Variants in OTC observed in about 807,000 individuals in gnomAD.
OTC encodes the protein ornithine transcarbamylase, mitochondrial.
OTC carries 3 observed loss-of-function variants against 30.3 expected under a neutral mutation model. That is an observed-to-expected ratio of 0.10 (90% CI 0.05 to 0.26). The LOEUF (loss-of-function observed/expected upper bound fraction) is 0.26. OTC is among the 10% of genes least tolerant of loss of function. The pLI is 1.00. For missense variants in OTC, 194 were observed against 260.3 expected (o/e 0.75, Z 1.75); for synonymous variants, 111 against 99.7 (o/e 1.11, Z -0.67).
chrX:38,347,060 T>G, the OTC span, among the ~76,000 whole-genome samples: 5 of 112,422 alleles, frequency 4.4e-5, no homozygotes, highest in African/African-American at 1.6e-4. Context: ...TTCCCCAAGG[T>G]TATTCAACCA....
intron 4 of OTC, among the ~76,000 whole-genome samples, chrX:38,384,812 A>G (rs1469174784): frequency 8.9e-6 from 1 of 112,067 alleles, no homozygotes; most frequent in Non-Finnish European, 1.9e-5. Context: ...AAAAGAAAAA[A>G]AAAGAAAGAA....
At chrX:38,331,461 T>G in the OTC span, among the ~76,000 whole-genome samples, 1 of 104,118 alleles carries the variant, frequency 9.6e-6, no homozygotes, top group African/African-American at 3.5e-5. Flanking sequence ...TTTTGTTTGT[T>G]TTTTTAGAGA....
At chrX:38,396,401 A>G (rs892159916) in intron 4 of OTC, among the ~76,000 whole-genome samples, 86 of 112,278 alleles carry the variant, frequency 7.7e-4, no homozygotes, top group African/African-American at 2.6e-3. Flanking sequence ...CATCTTTCTT[A>G]TTGGCATTGT....
chrX:38,332,379 C>T, the OTC span, among the ~76,000 whole-genome samples: 1 of 102,964 alleles, frequency 9.7e-6, no homozygotes, highest in Non-Finnish European at 2.0e-5. Flanking sequence ...CCCACCCTTC[C>T]CCTCACCCCC....
chrX:38,391,980 T>C (rs1214374633), intron 4 of OTC, among the ~76,000 whole-genome samples: 1 of 112,221 alleles, frequency 8.9e-6, no homozygotes, highest in African/African-American at 3.2e-5. Flanking sequence ...GATGTTAACA[T>C]TTTATCTCTG....
chrX:38,408,096 G>A (rs1644586415), intron 6 of OTC, among the ~76,000 whole-genome samples: 1 of 112,384 alleles, frequency 8.9e-6, no homozygotes, highest in African/African-American at 3.2e-5. Context: ...TGCCTCTCCA[G>A]AGTCTGACTC....
intron 3 of OTC, among the ~76,000 whole-genome samples, chrX:38,375,104 C>T (rs973608250): frequency 9.0e-6 from 1 of 111,654 alleles, no homozygotes; most frequent in Non-Finnish European, 1.9e-5. Context: ...TCTAGGTGCT[C>T]GGGAGTGATA....
chrX:38,375,937 A>G (rs917590320), intron 3 of OTC, among the ~76,000 whole-genome samples: 1 of 111,831 alleles, frequency 8.9e-6, no homozygotes, highest in African/African-American at 3.3e-5. Flanking sequence ...GGAACCAACA[A>G]TGGTGACTGA....
the OTC span, among the ~76,000 whole-genome samples, chrX:38,329,545 C>A: frequency 2.7e-5 from 3 of 111,791 alleles, no homozygotes; most frequent in Non-Finnish European, 5.6e-5. Context: ...ACCTAAGTAA[C>A]AAAAGAACCA....
chrX:38,369,882 G>C lies in OTC; in HGVS notation c.298+5G>C, dbSNP rs72554348. The C allele has an allele frequency of 4.3e-4, 498 of 1,152,072 alleles. 1 individual carries two copies. The East Asian group carries it at 0.013, about 29-fold the overall frequency. The allele number at this position is 1,152,072 out of a possible 1,213,427, so 94.9% of individuals were successfully genotyped here. A position where few individuals can be genotyped will look rare whatever the true frequency, so the allele number is the denominator to read the frequency against. On this transcript the variant is annotated splice_donor_5th_base_variant and intron_variant, in intron 3 of 9. Coordinates refer to ENST00000039007, the MANE Select transcript of OTC (RefSeq NM_000531.6). ...CAAGATTGTCTACAGAAACAGGTAA[G>C]TCCACTGCCAAATTCACACTTGTGT...
rs765471889 is a variant in OTC at position 38,398,547 on chromosome X, A to G, written c.387-2728A>G. Among the ~76,000 whole-genome samples the G allele has an allele frequency of 1.3e-4, 14 of 111,499 alleles. No individual in the cohort carries two copies. The South Asian group carries it at 4.9e-3, about 39-fold the overall frequency. On this transcript the variant is annotated intron_variant, in intron 4 of 9. Transcript: ENST00000039007. ...CTGTACACACTTTAGGGAGTGCTAC[A>G]TGTTTAAAGAAGTCTGAAGTATGAC... is the stretch of plus-strand genomic sequence containing the variant.
chrX:38,376,873 C>T (rs187372810), intron 3 of OTC, among the ~76,000 whole-genome samples: 1 of 112,068 alleles, frequency 8.9e-6, no homozygotes, highest in African/African-American at 3.2e-5. Flanking sequence ...TAAATAGAAC[C>T]TAATGCAATA....
At chrX:38,360,798 A>G (rs1194427821) in intron 1 of OTC, among the ~76,000 whole-genome samples, 1 of 112,429 alleles carries the variant, frequency 8.9e-6, no homozygotes, top group Non-Finnish European at 1.9e-5. Flanking sequence ...GCAAAACTTC[A>G]TTGCTAACTC....
At chrX:38,349,395 G>A (rs1007634261), upstream of OTC, among the ~76,000 whole-genome samples, 3 of 112,575 alleles carry the variant, frequency 2.7e-5, no homozygotes, top group Non-Finnish European at 5.6e-5. Flanking sequence ...GGTAGTAAGA[G>A]GTGGGACTGT....
At chrX:38,338,236 T>C in the OTC span, among the ~76,000 whole-genome samples, 1 of 112,262 alleles carries the variant, frequency 8.9e-6, no homozygotes, top group African/African-American at 3.2e-5. Context: ...AAATGACTTT[T>C]TTCACCATTA....
intron 6 of OTC, among the ~76,000 whole-genome samples, chrX:38,406,259 C>T (rs375131859): frequency 6.3e-5 from 7 of 111,779 alleles, no homozygotes; most frequent in African/African-American, 2.0e-4. Flanking sequence ...AACACTGAAA[C>T]GTTTCCAAGG....
chrX:38,386,760 A>G (rs1191043637), intron 4 of OTC, among the ~76,000 whole-genome samples: 1 of 112,485 alleles, frequency 8.9e-6, no homozygotes, highest in Non-Finnish European at 1.9e-5. Context: ...GCTGCAAGGA[A>G]CACAATAATA....
the OTC span, among the ~76,000 whole-genome samples, chrX:38,338,592 T>C: frequency 8.9e-6 from 1 of 112,482 alleles, no homozygotes; most frequent in Non-Finnish European, 1.9e-5. Context: ...CTTCCTTTTT[T>C]TGTTTGTTTT....
chrX:38,391,681 T>C (rs1690086514), intron 4 of OTC, among the ~76,000 whole-genome samples: 1 of 111,358 alleles, frequency 9.0e-6, no homozygotes, highest in Non-Finnish European at 1.9e-5. Flanking sequence ...TTTGTTCAAG[T>C]TGGGTCATTT....
Sources: allele counts gnomAD v4.1 joint callset (sites outside exome capture counted in the v4.1 genomes callset), GRCh38; gene constraint gnomAD v4.1.1; transcripts MANE v1.5; gene names NCBI Gene and HGNC (gene_info 2026-07-23, HGNC 2026-07-21).